Variants in LIN28B observed in about 807,000 individuals in gnomAD.
The protein encoded by LIN28B is lin-28 RNA binding posttranscriptional regulator B.
Under a neutral mutation model 21.9 loss-of-function variants are expected in LIN28B, and 5 were observed. The ratio of observed to expected loss-of-function variants is 0.23; its 90% CI spans 0.12 to 0.48. The LOEUF (loss-of-function observed/expected upper bound fraction) is 0.48, where lower values mean the gene tolerates loss of function less well. LIN28B is among the 20% of genes least tolerant of loss of function. The pLI, the probability that LIN28B is intolerant of heterozygous loss-of-function variation, is 0.98. For synonymous variants in LIN28B, 109 were observed against 111.3 expected (o/e 0.98, Z 0.13); for missense variants, 245 against 310.5 (o/e 0.79, Z 1.58).
chr6:105,039,083 G>C (rs1771580196), intron 3 of LIN28B, among the ~76,000 whole-genome samples: 3 of 152,146 alleles, frequency 2.0e-5, no homozygotes, highest in Non-Finnish European at 2.9e-5. Flanking sequence ...TGGTGGCTTT[G>C]AGATCTATTT....
At chr6:105,074,858 G>A (rs767446129) in intron 3 of LIN28B, among the ~76,000 whole-genome samples, 35 of 152,062 alleles carry the variant, frequency 2.3e-4, no homozygotes, top group African/African-American at 6.3e-4. Context: ...GGTGTGCCCC[G>A]CCACACCTGG....
At chr6:105,004,974 A>G (rs1357138471) in intron 2 of LIN28B, among the ~76,000 whole-genome samples, 1 of 152,108 alleles carries the variant, frequency 6.6e-6, no homozygotes, top group Admixed American at 6.5e-5. Flanking sequence ...TTTTTAGATC[A>G]CGTGTCTTCA....
intron 3 of LIN28B, among the ~76,000 whole-genome samples, chr6:104,951,847 A>G (rs1232484440): frequency 6.6e-6 from 1 of 152,108 alleles, no homozygotes; most frequent in Non-Finnish European, 1.5e-5. Flanking sequence ...CAGATTGGTA[A>G]ATAGGACCAG....
intron 2 of LIN28B, among the ~76,000 whole-genome samples, chr6:105,010,292 G>C (rs1213836682): frequency 2.0e-5 from 3 of 151,622 alleles, no homozygotes; most frequent in African/African-American, 7.3e-5. Context: ...GAGCCTGGGA[G>C]GTGGAGGTTG....
At chr6:105,019,099 C>T (rs1771085140) in intron 2 of LIN28B, among the ~76,000 whole-genome samples, 1 of 152,088 alleles carries the variant, frequency 6.6e-6, no homozygotes, top group Admixed American at 6.6e-5. Flanking sequence ...GCGCCCGCCA[C>T]CACACCCAGC....
upstream of LIN28B, among the ~76,000 whole-genome samples, chr6:104,956,775 G>C (rs1454321210): frequency 2.0e-5 from 3 of 152,148 alleles, no homozygotes; most frequent in Admixed American, 6.5e-5. Flanking sequence ...AGGCTTGTGT[G>C]TAAGGCACGC....
At position 105,080,064 on chromosome 6, in the gene LIN28B, A is replaced by G. The variant is rs1772512116; in HGVS notation, c.*1281A>G. The G allele has an allele frequency of 6.6e-6, 1 of 152,268 alleles. No homozygotes were observed. Among genetic ancestry groups the G allele is most frequent in the African/African-American group, 2.4e-5 (1 of 41,456 alleles). The allele number at this position is 152,268 out of a possible 1,614,324, so 9.4% of individuals were successfully genotyped here. On this transcript the variant is annotated 3_prime_UTR_variant, in exon 4 of 4. Coordinates refer to ENST00000345080, the MANE Select transcript of LIN28B (RefSeq NM_001004317.4). The stretch of plus-strand genomic sequence containing the variant: ...CTTTGATCTTATGGAAGTGACCTTC[A>G]ATGCTTATTCTGAAGTAACCTATAT...
intron 2 of LIN28B, among the ~76,000 whole-genome samples, chr6:105,014,765 GATAA>G (rs548935957): frequency 3.9e-4 from 59 of 152,040 alleles, no homozygotes; most frequent in Non-Finnish European, 5.7e-4. Flanking sequence ...TTTAAAAATA[GATAA>G]ATAAATAAAT....
rs57532096 is a variant in LIN28B at position 105,043,341 on chromosome 6, C to CAAAAAAA, written c.383+16884_383+16890dup. ...AGAGCAACAGAGTGAGACTCTGTCTCAAAAAAAAAAAAAAAAAAAAAAAAA... is the reference window on the plus strand; with the variant it reads ...AGAGCAACAGAGTGAGACTCTGTCTCAAAAAAAAAAAAAAAAAAAAAAAAAAAAAAAA... On this transcript the variant is annotated intron_variant, in intron 3 of 3. Transcript: ENST00000345080. Among the ~76,000 whole-genome samples, 26 of 75,388 alleles carry CAAAAAAA rather than the reference C, an allele frequency of 3.4e-4. 1 individual carries two copies. The highest frequency in any genetic ancestry group is 9.4e-4 in the African/African-American group (13 of 13,888). The allele number at this position is 75,388 out of a possible 152,430, so 49.5% of individuals were successfully genotyped here.
At chr6:105,077,185 A>C (rs1052752109) in intron 3 of LIN28B, among the ~76,000 whole-genome samples, 2 of 152,082 alleles carry the variant, frequency 1.3e-5, no homozygotes, top group Non-Finnish European at 2.9e-5. Context: ...AACCGAGATC[A>C]CTGCACTCTG....
At chr6:104,986,222 G>T (rs976479715) in intron 2 of LIN28B, among the ~76,000 whole-genome samples, 1 of 152,028 alleles carries the variant, frequency 6.6e-6, no homozygotes, top group Non-Finnish European at 1.5e-5. Flanking sequence ...GTTTCCTGAG[G>T]CCTCCCCAGC....
At chr6:105,041,366 T>G (rs1380190039) in intron 3 of LIN28B, among the ~76,000 whole-genome samples, 1 of 152,196 alleles carries the variant, frequency 6.6e-6, no homozygotes, top group East Asian at 1.9e-4. Flanking sequence ...TATAATGTCT[T>G]CTTTGTTAAT....
At chr6:105,057,269 G>A (rs1349893296) in intron 3 of LIN28B, among the ~76,000 whole-genome samples, 1 of 152,040 alleles carries the variant, frequency 6.6e-6, no homozygotes, top group East Asian at 1.9e-4. Flanking sequence ...AAAGGATCTG[G>A]TCTCTAAGGT....
chr6:104,964,419 TTATATTC>T (rs755901747), intron 2 of LIN28B, among the ~76,000 whole-genome samples: 1 of 152,352 alleles, frequency 6.6e-6, no homozygotes, highest in Non-Finnish European at 1.5e-5. Context: ...ATCTTAAATG[TTATATTC>T]TATAGACTTG....
intron 3 of LIN28B, among the ~76,000 whole-genome samples, chr6:105,072,654 C>A (rs1057399862): frequency 1.3e-5 from 2 of 151,906 alleles, no homozygotes; most frequent in African/African-American, 2.4e-5. Context: ...TACCACTGTA[C>A]TTAGAATATA....
chr6:104,989,696 C>G (rs1468170554), intron 2 of LIN28B, among the ~76,000 whole-genome samples: 1 of 107,880 alleles, frequency 9.3e-6, no homozygotes, highest in African/African-American at 2.7e-5. Flanking sequence ...CAGTCTCAAG[C>G]AATTCTCATG....
At chr6:105,048,564 A>G (rs967522859) in intron 3 of LIN28B, among the ~76,000 whole-genome samples, 8 of 151,978 alleles carry the variant, frequency 5.3e-5, no homozygotes, top group Non-Finnish European at 7.4e-5. Flanking sequence ...CTCTTTTTCT[A>G]TTGATTGGAA....
At chr6:104,949,759 T>C (rs1778198777) in intron 2 of LIN28B, among the ~76,000 whole-genome samples, 1 of 152,204 alleles carries the variant, frequency 6.6e-6, no homozygotes, top group Non-Finnish European at 1.5e-5. Context: ...ACTTGATTAC[T>C]GTGTGGCCTC....
Position 104,957,130 on chromosome 6 carries a change from C to T in LIN28B, c.-121C>T. ...ATCAAAAGAAGGAAAGCACATTAGA[C>T]CATGCGAGCTAAATTTGTGATCGCA... is the stretch of plus-strand genomic sequence containing the variant. On this transcript the variant is annotated 5_prime_UTR_variant, in exon 1 of 4. Transcript: ENST00000345080. 2 of 1,608,384 alleles carry T rather than the reference C, an allele frequency of 1.2e-6. No individual in the cohort carries two copies. Among genetic ancestry groups the T allele is most frequent in the Non-Finnish European group, 1.7e-6 (2 of 1,177,184 alleles).
Sources: allele counts gnomAD v4.1 joint callset (sites outside exome capture counted in the v4.1 genomes callset), GRCh38; gene constraint gnomAD v4.1.1; transcripts MANE v1.5; gene names NCBI Gene and HGNC (gene_info 2026-07-23, HGNC 2026-07-21).